Variants in KCNC2 observed in about 807,000 individuals in gnomAD.
KCNC2 encodes the protein voltage-gated potassium channel KCNC2.
KCNC2 carries 21 observed loss-of-function variants against 44.5 expected under a neutral mutation model. The observed-to-expected ratio is 0.47, with a 90% CI of 0.33 to 0.68. The LOEUF is 0.68. Ranked by LOEUF, KCNC2 falls within the 30% of genes least tolerant of loss-of-function variation. The pLI is 0.01. For missense variants in KCNC2, 589 were observed against 826.2 expected, an observed-to-expected ratio of 0.71 and a Z score of 3.52; for synonymous variants, 391 against 339.1, an observed-to-expected ratio of 1.15 and a Z score of -1.68.
At chr12:75,136,584 AT>A (rs1889246641) in intron 2 of KCNC2, among the ~76,000 whole-genome samples, 1 of 152,162 alleles carries the variant, frequency 6.6e-6, no homozygotes, top group African/African-American at 2.4e-5. Context: ...AAATGGATAA[AT>A]TCCTGGAAAC....
intron 2 of KCNC2, among the ~76,000 whole-genome samples, chr12:75,082,300 G>A (rs1237963408): frequency 2.0e-5 from 3 of 151,686 alleles, no homozygotes; most frequent in African/African-American, 4.8e-5. Flanking sequence ...AACAATAAAG[G>A]TAATAATAAT....
chr12:75,053,638 A>G lies in KCNC2; in HGVS notation c.688-2321T>C, dbSNP rs996257959. 4.0e-5 allele frequency among the ~76,000 whole-genome samples: 6 copies of G among 151,556 alleles called. No homozygotes were observed. In the South Asian group the frequency reaches 6.2e-4, roughly 16 times the overall value. ...TACTTTGCTATTTTTATAATTCTGT[A>G]TATCTTTAGCTTTTAAGTACTTTGT... is the stretch of plus-strand genomic sequence containing the variant. On this transcript the variant is annotated intron_variant, in intron 2 of 4. Coordinates refer to ENST00000549446, the MANE Select transcript of KCNC2 (RefSeq NM_139137.4).
chr12:75,170,684 C>T (rs749148211), intron 2 of KCNC2, among the ~76,000 whole-genome samples: 3 of 151,608 alleles, frequency 2.0e-5, no homozygotes, highest in Non-Finnish European at 4.4e-5. Context: ...TTTAATATGC[C>T]GTTGATGTTG....
At chr12:75,143,602 T>C (rs1028905912) in intron 2 of KCNC2, among the ~76,000 whole-genome samples, 2 of 152,186 alleles carry the variant, frequency 1.3e-5, no homozygotes, top group African/African-American at 4.8e-5. Flanking sequence ...TCTTGAGCTC[T>C]CCTTAACATT....
chr12:75,163,573 A>C (rs1333025351), intron 2 of KCNC2, among the ~76,000 whole-genome samples: 3 of 151,756 alleles, frequency 2.0e-5, no homozygotes, highest in Non-Finnish European at 4.4e-5. Context: ...TAGAATGCTA[A>C]ATTTCAAAAC....
chr12:75,134,177 C>G (rs986193943), intron 2 of KCNC2, among the ~76,000 whole-genome samples: 4 of 151,828 alleles, frequency 2.6e-5, no homozygotes, highest in African/African-American at 7.3e-5. Flanking sequence ...TTATTTTCCA[C>G]TTAAATATGT....
intron 2 of KCNC2, among the ~76,000 whole-genome samples, chr12:75,125,895 T>C (rs1055997876): frequency 4.6e-5 from 7 of 152,210 alleles, no homozygotes; most frequent in African/African-American, 7.2e-5. Flanking sequence ...GGCTCATCCA[T>C]TGGGGAATCA....
intron 2 of KCNC2, among the ~76,000 whole-genome samples, chr12:75,150,026 C>T (rs144218954): frequency 4.6e-5 from 7 of 151,884 alleles, no homozygotes; most frequent in Non-Finnish European, 8.9e-5. Context: ...AGTAAGCCAT[C>T]GCCTGTGACT....
chr12:75,162,778 C>G (rs747768558), intron 2 of KCNC2, among the ~76,000 whole-genome samples: 6 of 151,760 alleles, frequency 4.0e-5, no homozygotes, highest in Non-Finnish European at 7.4e-5. Flanking sequence ...AGAGAGGTAA[C>G]TTAACCCCTC....
At position 75,048,330 on chromosome 12, in the gene KCNC2, C is replaced by T. The variant is rs1169827132; in HGVS notation, c.1616-13G>A. ...TCACCTGATAACACTGGTCACAGCA[C>T]CATGCCCATTGACAGACAGTGATGA... On this transcript the variant is annotated splice_polypyrimidine_tract_variant and intron_variant, in intron 3 of 4. Coordinates refer to ENST00000549446, the MANE Select transcript of KCNC2 (RefSeq NM_139137.4). The T allele has an allele frequency of 6.3e-7, 1 of 1,597,590 alleles. No homozygotes were observed. The highest frequency in any genetic ancestry group is 8.5e-7 in the Non-Finnish European group (1 of 1,172,992).
At chr12:75,179,742 G>GATATAAAACTAC (rs1892444115) in intron 2 of KCNC2, among the ~76,000 whole-genome samples, 1 of 87,906 alleles carries the variant, frequency 1.1e-5, no homozygotes, top group Non-Finnish European at 2.4e-5. Flanking sequence ...TATAAAACTA[G>GATATAAAACTAC]TTTTATATCT....
chr12:75,138,496 T>A (rs1474179007), intron 2 of KCNC2, among the ~76,000 whole-genome samples: 2 of 152,118 alleles, frequency 1.3e-5, no homozygotes, highest in Non-Finnish European at 2.9e-5. Flanking sequence ...CCCCAGGAAA[T>A]TAATTTAATA....
chr12:75,040,298 C>G lies in KCNC2; in HGVS notation c.*2807G>C, dbSNP rs1233957001. 1 of 151,838 alleles carries G rather than the reference C, an allele frequency of 6.6e-6. No individual in the cohort carries two copies. Among genetic ancestry groups the G allele is most frequent in the Admixed American group, 6.6e-5 (1 of 15,204 alleles). 9.4% of individuals were successfully genotyped at this position (151,838 alleles called of 1,614,324 possible). A position where few individuals can be genotyped will look rare whatever the true frequency, so the allele number is the denominator to read the frequency against. On this transcript the variant is annotated 3_prime_UTR_variant, in exon 5 of 5. Coordinates refer to ENST00000549446, the MANE Select transcript of KCNC2 (RefSeq NM_139137.4). ...ATAGACTCTGAAAATATTGATTAAG[C>G]AAGATGTAAAAATCTTATACAGTTT...
intron 2 of KCNC2, among the ~76,000 whole-genome samples, chr12:75,135,990 A>G (rs1284708314): frequency 1.3e-5 from 2 of 152,002 alleles, no homozygotes; most frequent in Non-Finnish European, 2.9e-5. Context: ...CTCTAATGTC[A>G]GAGAAAAATT....
Position 75,057,652 on chromosome 12 carries a change from C to T in KCNC2, c.688-6335G>A, listed in dbSNP as rs1330112633. Among the ~76,000 whole-genome samples, 6 of 151,692 alleles carry T rather than the reference C, an allele frequency of 4.0e-5. No individual in the cohort carries two copies. The South Asian group carries it at 1.0e-3, about 26-fold the overall frequency. On this transcript the variant is annotated intron_variant, in intron 2 of 4. Transcript: ENST00000549446. Reference sequence around the variant, plus strand: ...TATATAAATGTGTGTATATATCACACGTTACAGATTTTTATATCTATATCC... The same window carrying T: ...TATATAAATGTGTGTATATATCACATGTTACAGATTTTTATATCTATATCC...
At chr12:75,145,789 A>G (rs1889981364) in intron 2 of KCNC2, among the ~76,000 whole-genome samples, 2 of 152,172 alleles carry the variant, frequency 1.3e-5, no homozygotes, top group Non-Finnish European at 2.9e-5. Context: ...TATTTTGAAA[A>G]TATAGAAAAA....
Position 75,185,920 on chromosome 12 carries a change from C to G in KCNC2, c.687+21377G>C, listed in dbSNP as rs201783400. Among the ~76,000 whole-genome samples the G allele has an allele frequency of 7.2e-5, 11 of 151,768 alleles. No homozygotes were observed. In the East Asian group the frequency reaches 1.4e-3, roughly 19 times the overall value. ...AATTAGCCGGTCATGGTGGCAGGTG[C>G]CTGTAATACCAGCTACTTGGGAGGC... is the stretch of plus-strand genomic sequence containing the variant. On this transcript the variant is annotated intron_variant, in intron 2 of 4. Transcript: ENST00000549446.
chr12:75,091,459 G>A (rs74984752), intron 2 of KCNC2, among the ~76,000 whole-genome samples: 5,111 of 151,568 alleles, frequency 0.034, 284 homozygotes, highest in African/African-American at 0.12. Flanking sequence ...AGCTTTCTTC[G>A]TACATAGTTC....
At chr12:75,069,196 G>A (rs1424544022) in intron 2 of KCNC2, among the ~76,000 whole-genome samples, 3 of 132,310 alleles carry the variant, frequency 2.3e-5, no homozygotes, top group Non-Finnish European at 3.1e-5. Context: ...GTGCAAAGAC[G>A]TGATCTCGGC....
Sources: allele counts gnomAD v4.1 joint callset (sites outside exome capture counted in the v4.1 genomes callset), GRCh38; gene constraint gnomAD v4.1.1; transcripts MANE v1.5; gene names NCBI Gene and HGNC (gene_info 2026-07-23, HGNC 2026-07-21).